SLC17A5: variants seen among roughly 807,000 people sequenced by gnomAD.
SLC17A5 encodes solute carrier family 17 member 5.
SLC17A5 carries 47 observed loss-of-function variants against 59.4 expected under a neutral mutation model. The ratio of observed to expected loss-of-function variants is 0.79; its 90% confidence interval spans 0.63 to 1.01. The LOEUF is 1.01. Among genes scored for constraint, SLC17A5 ranks in the 50% least tolerant of loss-of-function variants. The pLI is 0.00. For missense variants in SLC17A5, 522 were observed against 595.5 expected (o/e 0.88, Z 1.28); for synonymous variants, 202 against 210.7 (o/e 0.96, Z 0.36).
chr6:73,604,740 G>A (rs936933428), intron 9 of SLC17A5, among the ~76,000 whole-genome samples: 2 of 152,088 alleles, frequency 1.3e-5, no homozygotes, highest in Non-Finnish European at 2.9e-5. Context: ...GACAGGGTGT[G>A]ACTCTGCCTC....
rs1481461641 is a variant in SLC17A5 at position 73,593,660 on chromosome 6, GATGT to G, written c.*1413_*1416del. 1 of 152,186 alleles carries G rather than the reference GATGT, an allele frequency of 6.6e-6. No homozygotes were observed. The highest frequency in any genetic ancestry group is 1.5e-5 in the Non-Finnish European group (1 of 68,038). 9.4% of individuals were successfully genotyped at this position (152,186 alleles called of 1,614,324 possible). A position where few individuals can be genotyped will look rare whatever the true frequency, so the allele number is the denominator to read the frequency against. ...AAAGATGATTACCCTAGTCTCAGGT[GATGT>G]GGCCTTTAAAAGTCACTTTAACTTT... On this transcript the variant is annotated 3_prime_UTR_variant, in exon 11 of 11. Transcript: ENST00000355773.
At chr6:73,633,880 AAAAAAAAAAT>A (rs1768879953) in intron 6 of SLC17A5, among the ~76,000 whole-genome samples, 3 of 148,552 alleles carry the variant, frequency 2.0e-5, no homozygotes, top group African/African-American at 7.4e-5. Context: ...ACTCCGTCTA[AAAAAAAAAAT>A]AAATAAAATA....
Position 73,593,463 on chromosome 6 carries a change from T to C in SLC17A5, c.*1614A>G, listed in dbSNP as rs961666523. 1.3e-4 allele frequency: 20 copies of C among 152,256 alleles called. No individual in the cohort carries two copies. Among genetic ancestry groups the C allele is most frequent in the African/African-American group, 4.8e-4 (20 of 41,456 alleles). The allele number at this position is 152,256 out of a possible 1,614,324, so 9.4% of individuals were successfully genotyped here. A position where few individuals can be genotyped will look rare whatever the true frequency, so the allele number is the denominator to read the frequency against. On this transcript the variant is annotated 3_prime_UTR_variant, in exon 11 of 11. Coordinates refer to ENST00000355773, the MANE Select transcript of SLC17A5 (RefSeq NM_012434.5). ...AGCTATTTACAAATTTAAAAATAAA[T>C]GTACATAAATGTATTCACATCACAT...
At chr6:73,602,468 AC>A (rs201658498) in intron 9 of SLC17A5, among the ~76,000 whole-genome samples, 1 of 151,722 alleles carries the variant, frequency 6.6e-6, no homozygotes, top group Non-Finnish European at 1.5e-5. Context: ...AACAACAACA[AC>A]AAAAAACATT....
chr6:73,612,702 GT>G (rs1767685238), intron 8 of SLC17A5, among the ~76,000 whole-genome samples: 1 of 152,106 alleles, frequency 6.6e-6, no homozygotes, highest in Non-Finnish European at 1.5e-5. Context: ...AGCCTCTGGA[GT>G]AGCTGGGACT....
intron 10 of SLC17A5, among the ~76,000 whole-genome samples, chr6:73,596,866 A>AAAAAAAC (rs1447662415): frequency 1.3e-4 from 20 of 148,988 alleles, no homozygotes; most frequent in African/African-American, 4.7e-4. Flanking sequence ...CAAAAACAAA[A>AAAAAAAC]CAAAACAAAA....
At chr6:73,651,629 G>A (rs866346976) in intron 1 of SLC17A5, among the ~76,000 whole-genome samples, 6 of 151,192 alleles carry the variant, frequency 4.0e-5, no homozygotes, top group African/African-American at 1.5e-4. Flanking sequence ...TGCAAGCTCC[G>A]CCTCCCAGGT....
Position 73,651,071 on chromosome 6 carries a change from C to T in SLC17A5, c.94+2722G>A, listed in dbSNP as rs971757219. 3.3e-5 allele frequency among the ~76,000 whole-genome samples: 5 copies of T among 152,032 alleles called. 1 individual carries two copies. The highest frequency in any genetic ancestry group is 7.4e-5 in the Non-Finnish European group (5 of 67,996). On this transcript the variant is annotated intron_variant, in intron 1 of 10. Coordinates refer to ENST00000355773, the MANE Select transcript of SLC17A5 (RefSeq NM_012434.5). ...AAAATTGCAGGGAAAAGAAAAGGAG[C>T]GGGGCAGGGGAAACAGATTAAAAGA... is the stretch of plus-strand genomic sequence containing the variant.
intron 9 of SLC17A5, 86 bp downstream of exon 9, chr6:73,610,314 G>A: frequency 6.7e-7 from 1 of 1,501,788 alleles, no homozygotes; most frequent in Non-Finnish European, 9.2e-7. Flanking sequence ...GATTACAGGT[G>A]TGAGTCACCG....
intron 9 of SLC17A5, among the ~76,000 whole-genome samples, chr6:73,604,528 G>A (rs776621675): frequency 5.3e-5 from 8 of 152,070 alleles, no homozygotes; most frequent in Non-Finnish European, 8.8e-5. Flanking sequence ...AGAATTGCTT[G>A]AGCCCAGGAG....
At chr6:73,605,125 G>T (rs1381203391) in intron 9 of SLC17A5, among the ~76,000 whole-genome samples, 1 of 152,074 alleles carries the variant, frequency 6.6e-6, no homozygotes, top group African/African-American at 2.4e-5. Context: ...GATTACAGGC[G>T]AGAGCCACTG....
chr6:73,627,005 C>T (rs749311684), intron 6 of SLC17A5, among the ~76,000 whole-genome samples: 1 of 152,058 alleles, frequency 6.6e-6, no homozygotes, highest in Non-Finnish European at 1.5e-5. Context: ...CTCGTGACCT[C>T]AGGTGATCCA....
intron 3 of SLC17A5, among the ~76,000 whole-genome samples, chr6:73,639,030 G>GA (rs1000136780): frequency 5.9e-5 from 9 of 151,844 alleles, no homozygotes; most frequent in African/African-American, 2.2e-4. Context: ...TTGGGATACT[G>GA]AAAAAAAATT....
intron 6 of SLC17A5, among the ~76,000 whole-genome samples, chr6:73,629,667 T>G (rs937588101): frequency 2.6e-5 from 4 of 151,396 alleles, no homozygotes; most frequent in Admixed American, 2.6e-4. Context: ...CCCAGCTACT[T>G]GGGAGGCTGA....
chr6:73,618,926 C>T (rs577188513), intron 7 of SLC17A5, among the ~76,000 whole-genome samples: 31 of 152,136 alleles, frequency 2.0e-4, no homozygotes, highest in African/African-American at 5.5e-4. Flanking sequence ...GGGATTTCAC[C>T]GTGTTGCTCA....
At chr6:73,617,857 T>C (rs750369730) in intron 7 of SLC17A5, among the ~76,000 whole-genome samples, 1 of 151,948 alleles carries the variant, frequency 6.6e-6, no homozygotes, top group Admixed American at 6.6e-5. Context: ...CATTTATACA[T>C]TCCACAGGCA....
chr6:73,626,997 C>T (rs537254732), intron 6 of SLC17A5, among the ~76,000 whole-genome samples: 3 of 151,932 alleles, frequency 2.0e-5, no homozygotes, highest in Admixed American at 6.6e-5. Flanking sequence ...GTCTTGAACT[C>T]GTGACCTCAG....
At position 73,635,449 on chromosome 6, in the gene SLC17A5, G is replaced by A; in HGVS notation, c.752C>T (p.Thr251Ile). 6.2e-7 allele frequency: 1 copy of A among 1,609,154 alleles called. No individual in the cohort carries two copies. The highest frequency in any genetic ancestry group is 8.5e-7 in the Non-Finnish European group (1 of 1,177,148). ...GGAAATTCTCTTGTGTTTTTGTGGT[G>A]TGTCACTAACTAACCAGATCCACAA... is the stretch of plus-strand genomic sequence containing the variant. The part of the protein sequence containing the change: ...FLLWIWLVSD[T>I]PQKHKRISHY... The change falls in exon 6 of 11, where the codon ACA becomes ATA. Residue 251 changes from threonine to isoleucine, a missense_variant. Transcript: ENST00000355773.
intron 1 of SLC17A5, chr6:73,653,003 G>A (rs1019749737): frequency 1.0e-6 from 1 of 963,402 alleles, no homozygotes; most frequent in African/African-American, 1.8e-5. Context: ...CAGGGAAGAT[G>A]CTTTATGACG....
Sources: gnomAD v4.1 joint callset for allele counts (sites outside exome capture counted in the v4.1 genomes callset) on GRCh38, gnomAD v4.1.1 for gene constraint, MANE v1.5 for transcripts, NCBI Gene and HGNC (gene_info 2026-07-23, HGNC 2026-07-21) for gene names.